The following MACROD2 variants were observed in gnomAD, a reference collection of about 807,000 sequenced individuals.
MACROD2 encodes the protein ADP-ribose glycohydrolase MACROD2.
A neutral mutation model predicts 70.4 loss-of-function variants in MACROD2; 36 were observed. That is an observed-to-expected ratio of 0.51 (90% confidence interval 0.39 to 0.68). MACROD2 has a LOEUF of 0.68. MACROD2 is among the 30% of genes least tolerant of loss of function. The pLI is 0.00. For synonymous variants in MACROD2, 172 were observed against 178.8 expected (o/e 0.96, Z 0.30); for missense variants, 496 against 538.4 (o/e 0.92, Z 0.78).
chr20:15,400,183 A>C (rs568767466), intron 6 of MACROD2, among the ~76,000 whole-genome samples: 1 of 152,356 alleles, frequency 6.6e-6, no homozygotes, highest in Admixed American at 6.5e-5. Context: ...TAAGCAACCT[A>C]TAAAATATAA....
intron 5 of MACROD2, among the ~76,000 whole-genome samples, chr20:14,706,703 C>A (rs2071274343): frequency 6.6e-6 from 1 of 152,082 alleles, no homozygotes; most frequent in South Asian, 2.1e-4. Flanking sequence ...CCGCTTTATT[C>A]TTCCTGAATT....
intron 2 of MACROD2, among the ~76,000 whole-genome samples, chr20:14,008,128 C>T (rs139714656): frequency 6.6e-6 from 1 of 152,198 alleles, no homozygotes; most frequent in African/African-American, 2.4e-5. Context: ...GCAGGGTAAT[C>T]AGGCAAGAGA....
chr20:14,073,857 A>G (rs1240308655), intron 2 of MACROD2, among the ~76,000 whole-genome samples: 1 of 152,226 alleles, frequency 6.6e-6, no homozygotes, highest in Non-Finnish European at 1.5e-5. Context: ...TTTGAACAGC[A>G]TATGATATTG....
intron 8 of MACROD2, among the ~76,000 whole-genome samples, chr20:15,710,685 A>G (rs2050613578): frequency 6.6e-6 from 1 of 152,026 alleles, no homozygotes; most frequent in Admixed American, 6.6e-5. Context: ...CACACAAAAC[A>G]TTTTTTTTGA....
At chr20:15,605,322 T>C (rs558259592) in intron 8 of MACROD2, among the ~76,000 whole-genome samples, 1 of 152,232 alleles carries the variant, frequency 6.6e-6, no homozygotes, top group Admixed American at 6.5e-5. Context: ...CTTTGTAATA[T>C]AGATTTTTTT....
intron 8 of MACROD2, among the ~76,000 whole-genome samples, chr20:15,859,590 TAAA>T (rs2064397205): frequency 6.6e-6 from 1 of 152,178 alleles, no homozygotes; most frequent in African/African-American, 2.4e-5. Flanking sequence ...ACGCTTATAA[TAAA>T]TACATACACA....
At chr20:15,261,170 A>AT (rs1216676811) in intron 6 of MACROD2, among the ~76,000 whole-genome samples, 3 of 151,548 alleles carry the variant, frequency 2.0e-5, no homozygotes, top group Non-Finnish European at 4.4e-5. Flanking sequence ...TATTTTAGCC[A>AT]TTTTTTTTCA....
chr20:15,252,072 C>A (rs1052019112), intron 6 of MACROD2, among the ~76,000 whole-genome samples: 2 of 152,154 alleles, frequency 1.3e-5, no homozygotes, highest in Non-Finnish European at 2.9e-5. Context: ...TGGTATTATG[C>A]AGATTTTAGG....
chr20:15,622,790 CT>C (rs1300250318), intron 8 of MACROD2, among the ~76,000 whole-genome samples: 1 of 152,168 alleles, frequency 6.6e-6, no homozygotes. Flanking sequence ...ATTCACATAA[CT>C]TTTCTTACGG....
Position 14,695,719 on chromosome 20 carries a change from C to G in MACROD2, c.418+10760C>G, listed in dbSNP as rs865841158. Among the ~76,000 whole-genome samples the G allele has an allele frequency of 2.0e-5, 3 of 152,326 alleles. No homozygotes were observed. The South Asian group carries it at 6.2e-4, about 32-fold the overall frequency. The stretch of plus-strand genomic sequence containing the variant: ...TTCTGAAGCCAGCCCACAGCCACAT[C>G]AGTGAGCTTGGGAGCACATTCTCCT... On this transcript the variant is annotated intron_variant, in intron 5 of 17. Transcript: ENST00000684519.
chr20:14,137,008 C>T (rs1003562029), intron 3 of MACROD2, among the ~76,000 whole-genome samples: 1 of 152,078 alleles, frequency 6.6e-6, no homozygotes, highest in Non-Finnish European at 1.5e-5. Flanking sequence ...TGAAACATAG[C>T]TATTATGCAT....
intron 8 of MACROD2, among the ~76,000 whole-genome samples, chr20:15,857,391 A>G (rs1465601589): frequency 6.6e-6 from 1 of 152,202 alleles, no homozygotes; most frequent in Non-Finnish European, 1.5e-5. Context: ...ACAGGCCCAT[A>G]TATCTGTCTC....
intron 5 of MACROD2, among the ~76,000 whole-genome samples, chr20:14,968,554 A>T (rs759015083): frequency 2.0e-5 from 3 of 152,280 alleles, no homozygotes; most frequent in Middle Eastern, 3.4e-3. Flanking sequence ...TGCAACCTGG[A>T]CGTGATTCTC....
chr20:15,934,591 C>G (rs2065629425), intron 11 of MACROD2, among the ~76,000 whole-genome samples: 1 of 152,000 alleles, frequency 6.6e-6, no homozygotes, highest in African/African-American at 2.4e-5. Context: ...AGTCAACAAA[C>G]TGCTGACAGC....
rs1032943796 is a variant in MACROD2 at position 14,110,278 on chromosome 20, A to C, written c.271+24550A>C. On this transcript the variant is annotated intron_variant, in intron 3 of 17. Coordinates refer to ENST00000684519, the MANE Select transcript of MACROD2 (RefSeq NM_001351661.2). ...ACAGAGCCACAGCTGGTATCACCCT[A>C]AATGGGGGAAAACTGAAAGCTTTTT... 2.0e-5 allele frequency among the ~76,000 whole-genome samples: 3 copies of C among 152,050 alleles called. No homozygotes were observed. In the East Asian group the frequency reaches 5.8e-4, roughly 29 times the overall value.
At chr20:14,562,704 G>C (rs538787024) in intron 4 of MACROD2, among the ~76,000 whole-genome samples, 1 of 151,844 alleles carries the variant, frequency 6.6e-6, no homozygotes, top group East Asian at 1.9e-4. Flanking sequence ...ACCCTAAATT[G>C]GTTAAATTTA....
chr20:14,547,245 C>T (rs2085501490), intron 4 of MACROD2: 3 of 586,480 alleles, frequency 5.1e-6, no homozygotes, highest in African/African-American at 2.0e-5. Flanking sequence ...AGGAGGGACA[C>T]GTGAAGGATC....
intron 3 of MACROD2, among the ~76,000 whole-genome samples, chr20:14,261,955 C>G (rs1385868588): frequency 2.6e-5 from 4 of 151,830 alleles, no homozygotes; most frequent in Non-Finnish European, 4.4e-5. Context: ...TCTCTTAGAC[C>G]ATAGTGTTTT....
Position 15,995,649 on chromosome 20 carries a change from C to CTTTTTTTTTTTTTTTTTT in MACROD2, c.1153+8494_1153+8511dup, listed in dbSNP as rs71192310. Among the ~76,000 whole-genome samples, 347 of 85,450 alleles carry CTTTTTTTTTTTTTTTTTT rather than the reference C, an allele frequency of 4.1e-3. 12 individuals carry two copies. The highest frequency in any genetic ancestry group is 5.7e-3 in the Non-Finnish European group (246 of 43,170). 56.1% of individuals were successfully genotyped at this position (85,450 alleles called of 152,430 possible). On this transcript the variant is annotated intron_variant, in intron 15 of 17. Transcript: ENST00000684519. The stretch of plus-strand genomic sequence containing the variant: ...ACAGGCATGAGCCACTATGCCCGGC[C>CTTTTTTTTTTTTTTTTTT]TTTTTTTTTTTTTTTTTTTTAACTT...
Sources: gnomAD v4.1 joint callset for allele counts (sites outside exome capture counted in the v4.1 genomes callset) on GRCh38, gnomAD v4.1.1 for gene constraint, MANE v1.5 for transcripts, NCBI Gene and HGNC (gene_info 2026-07-23, HGNC 2026-07-21) for gene names.